Variants in TRABD2B observed in about 807,000 individuals in gnomAD.
TRABD2B encodes metalloprotease TIKI2.
In TRABD2B, 14 loss-of-function variants were observed where a neutral mutation model predicts 40.1. That is an observed-to-expected ratio of 0.35 (90% CI 0.23 to 0.55). The LOEUF (loss-of-function observed/expected upper bound fraction) is 0.55. Ranked by LOEUF, TRABD2B falls within the 20% of genes least tolerant of loss-of-function variation. TRABD2B has a pLI of 0.90. For missense variants in TRABD2B, 541 were observed against 648.6 expected, an observed-to-expected ratio of 0.83 and a Z score of 1.80; for synonymous variants, 263 against 277.0, an observed-to-expected ratio of 0.95 and a Z score of 0.50.
chr1:47,822,668 C>T (rs1397956417), intron 2 of TRABD2B, among the ~76,000 whole-genome samples: 1 of 152,194 alleles, frequency 6.6e-6, no homozygotes, highest in Non-Finnish European at 1.5e-5. Flanking sequence ...CTCTTTTAAT[C>T]CTATAAGGTA....
At chr1:47,903,232 C>T (rs1285099772) in intron 2 of TRABD2B, among the ~76,000 whole-genome samples, 1 of 152,036 alleles carries the variant, frequency 6.6e-6, no homozygotes, top group Non-Finnish European at 1.5e-5. Context: ...CGTCAAATTG[C>T]CTTGGGGCTT....
intron 3 of TRABD2B, among the ~76,000 whole-genome samples, chr1:47,799,102 A>T (rs1264498106): frequency 6.6e-6 from 1 of 152,184 alleles, no homozygotes; most frequent in East Asian, 1.9e-4. Flanking sequence ...AGTGGTCTGG[A>T]CCCAAGCTCA....
At chr1:47,941,823 G>C (rs577998185) in intron 2 of TRABD2B, among the ~76,000 whole-genome samples, 13 of 152,314 alleles carry the variant, frequency 8.5e-5, no homozygotes, top group Middle Eastern at 3.4e-3. Flanking sequence ...TCACCTCTCT[G>C]TGCTTCAGTT....
At chr1:47,951,232 A>G (rs1187472584) in intron 2 of TRABD2B, among the ~76,000 whole-genome samples, 1 of 152,200 alleles carries the variant, frequency 6.6e-6, no homozygotes, top group African/African-American at 2.4e-5. Flanking sequence ...CATCGGGCAC[A>G]TGGAGAAAGG....
chr1:47,945,331 G>A (rs761592966), intron 2 of TRABD2B, among the ~76,000 whole-genome samples: 7 of 152,164 alleles, frequency 4.6e-5, no homozygotes, highest in Admixed American at 1.3e-4. Flanking sequence ...CTTCAGGAAG[G>A]ATTTTACCAG....
chr1:47,994,219 T>G lies in TRABD2B; in HGVS notation c.481A>C (p.Lys161Gln). 1 of 1,546,612 alleles carries G rather than the reference T, an allele frequency of 6.5e-7. No individual in the cohort carries two copies. The highest frequency in any genetic ancestry group is 1.9e-5 in the Admixed American group (1 of 52,056). The change falls in exon 2 of 7, where the codon AAG becomes CAG. Residue 161 changes from lysine to glutamine, a missense_variant. Physicochemically the swap from Lys to Gln is moderately conservative, Grantham distance 53. Around this residue, in one of 2 missense-constraint regions of TRABD2B, gnomAD observed 369 missense variants for 492.8 expected, o/e 0.75. Transcript: ENST00000606738. This position sits in a 1 kb window ranked among gnomAD's most constrained non-coding sequence, Gnocchi z 6.7. ...FNAIAGNWERKRPVWVMLMVN... is the reference protein window; with the variant it reads ...FNAIAGNWERQRPVWVMLMVN... The stretch of plus-strand genomic sequence containing the variant: ...ATGAGCATCACCCAGACGGGCCTCT[T>G]GCGCTCCCAGTTGCCCGCGATGGCA...
chr1:47,988,379 G>T (rs113165532), intron 2 of TRABD2B, among the ~76,000 whole-genome samples: 1 of 152,146 alleles, frequency 6.6e-6, no homozygotes, highest in African/African-American at 2.4e-5. Flanking sequence ...ATGAATTCTC[G>T]GCAGGCAAAG....
chr1:47,789,826 C>A (rs2124182215), intron 4 of TRABD2B, among the ~76,000 whole-genome samples: 1 of 152,142 alleles, frequency 6.6e-6, no homozygotes, highest in Non-Finnish European at 1.5e-5. Flanking sequence ...ACCTTGCTGC[C>A]TTCTTGGAAC....
chr1:47,845,222 C>T (rs760684080), intron 2 of TRABD2B, among the ~76,000 whole-genome samples: 2 of 152,138 alleles, frequency 1.3e-5, no homozygotes, highest in Non-Finnish European at 2.9e-5. Flanking sequence ...AGAGCATGTC[C>T]GTTAGCATGG....
At chr1:47,911,012 A>G (rs546807926) in intron 2 of TRABD2B, among the ~76,000 whole-genome samples, 101 of 152,282 alleles carry the variant, frequency 6.6e-4, no homozygotes, top group African/African-American at 2.4e-3. Flanking sequence ...CTTTGATCGG[A>G]GGCAATTCCT....
At chr1:47,978,577 A>G (rs994308225) in intron 2 of TRABD2B, among the ~76,000 whole-genome samples, 4 of 152,070 alleles carry the variant, frequency 2.6e-5, no homozygotes, top group Admixed American at 2.0e-4. Context: ...AATTTAGGTC[A>G]GCACACACAG....
intron 2 of TRABD2B, among the ~76,000 whole-genome samples, chr1:47,937,246 T>TCATCA (rs1480655479): frequency 6.6e-6 from 1 of 150,696 alleles, no homozygotes; most frequent in African/African-American, 2.4e-5. Flanking sequence ...ACCACCATGA[T>TCATCA]CATCACCATC....
chr1:47,861,837 T>G (rs1398279123), intron 2 of TRABD2B, among the ~76,000 whole-genome samples: 1 of 152,174 alleles, frequency 6.6e-6, no homozygotes, highest in Non-Finnish European at 1.5e-5. Flanking sequence ...CCAATATTTT[T>G]CATGAATATA....
chr1:47,781,414 G>T (rs758980985), intron 4 of TRABD2B, among the ~76,000 whole-genome samples: 1 of 152,180 alleles, frequency 6.6e-6, no homozygotes, highest in Non-Finnish European at 1.5e-5. Flanking sequence ...CTGAGTAGAG[G>T]AGACACTTAG....
chr1:47,936,838 A>T (rs1308029311), intron 2 of TRABD2B, among the ~76,000 whole-genome samples: 1 of 149,870 alleles, frequency 6.7e-6, no homozygotes, highest in Non-Finnish European at 1.5e-5. Flanking sequence ...CACATTGATC[A>T]ACAAATAAGA....
chr1:47,806,935 A>T (rs981694743), intron 2 of TRABD2B, among the ~76,000 whole-genome samples: 1 of 152,004 alleles, frequency 6.6e-6, no homozygotes, highest in African/African-American at 2.4e-5. Context: ...TGCTCACCCA[A>T]CTCAAAGCCC....
intron 2 of TRABD2B, among the ~76,000 whole-genome samples, chr1:47,892,448 A>T (rs1644461179): frequency 6.6e-6 from 1 of 152,248 alleles, no homozygotes; most frequent in African/African-American, 2.4e-5. Context: ...ATTCTATATC[A>T]CATCTGGATA....
intron 3 of TRABD2B, among the ~76,000 whole-genome samples, chr1:47,798,680 C>T (rs1644780402): frequency 6.6e-6 from 1 of 152,208 alleles, no homozygotes; most frequent in African/African-American, 2.4e-5. Flanking sequence ...CTTGCGCTCT[C>T]CACCCCTCAG....
At chr1:47,938,186 A>C (rs1216981368) in intron 2 of TRABD2B, among the ~76,000 whole-genome samples, 1 of 152,258 alleles carries the variant, frequency 6.6e-6, no homozygotes, top group African/African-American at 2.4e-5. Context: ...ATAGTCCATT[A>C]GCAGGACCCT....
Sources: allele counts gnomAD v4.1 joint callset (sites outside exome capture counted in the v4.1 genomes callset), GRCh38; gene constraint gnomAD v4.1.1; regional missense constraint gnomAD v4.1.1; non-coding constraint Gnocchi (gnomAD v3.1); transcripts MANE v1.5; gene names NCBI Gene and HGNC (gene_info 2026-07-23, HGNC 2026-07-21).